Variants in XKR9 observed in about 807,000 individuals in gnomAD.
XKR9 encodes the protein XK-related protein 9.
XKR9 carries 32 observed loss-of-function variants against 32.0 expected under a neutral mutation model. The observed-to-expected ratio is 1.00, with a 90% confidence interval of 0.76 to 1.34. XKR9 has a LOEUF of 1.34. Ranked by LOEUF, XKR9 falls within the 40% of genes most tolerant of loss-of-function variation. The probability of loss-of-function intolerance (pLI) is 0.00; values close to 1 mark genes in which losing one functional copy is unlikely to be tolerated. For synonymous variants in XKR9, 168 were observed against 143.4 expected (o/e 1.17, Z -1.22); for missense variants, 546 against 429.7 (o/e 1.27, Z -2.39).
At chr8:70,763,616 G>T (rs1449318609) in intron 2 of XKR9, among the ~76,000 whole-genome samples, 1 of 152,034 alleles carries the variant, frequency 6.6e-6, no homozygotes, top group Non-Finnish European at 1.5e-5. Flanking sequence ...TGGCTTAAAA[G>T]GAAATTTCAA....
At chr8:70,823,381 C>G in the XKR9 span, among the ~76,000 whole-genome samples, 1 of 152,206 alleles carries the variant, frequency 6.6e-6, no homozygotes, top group Non-Finnish European at 1.5e-5. Context: ...TTAAGTATAA[C>G]TCAACTTCCT....
chr8:70,816,935 A>C, the XKR9 span, among the ~76,000 whole-genome samples: 1 of 152,154 alleles, frequency 6.6e-6, no homozygotes, highest in Non-Finnish European at 1.5e-5. Flanking sequence ...TTAATGATAA[A>C]AACCCTCAAC....
chr8:70,987,686 G>A, the XKR9 span, among the ~76,000 whole-genome samples: 15,413 of 152,252 alleles, frequency 0.1, 859 homozygotes, highest in Middle Eastern at 0.14. Flanking sequence ...CCATTCTGGG[G>A]TCTGGAGGAT....
At chr8:70,923,607 G>A in the XKR9 span, among the ~76,000 whole-genome samples, 47 of 152,310 alleles carry the variant, frequency 3.1e-4, no homozygotes, top group African/African-American at 1.1e-3. Context: ...AAAGTAAGAC[G>A]TTTCAACCAC....
At chr8:70,782,213 C>T (rs1269337266) in intron 2 of XKR9, among the ~76,000 whole-genome samples, 4 of 152,060 alleles carry the variant, frequency 2.6e-5, no homozygotes, top group Non-Finnish European at 4.4e-5. Flanking sequence ...TTGCTATTCT[C>T]GGGTTTAGTC....
intron 3 of XKR9, among the ~76,000 whole-genome samples, chr8:70,684,226 C>T (rs1819182442): frequency 6.6e-6 from 1 of 152,098 alleles, no homozygotes; most frequent in African/African-American, 2.4e-5. Flanking sequence ...CAGCCATTAA[C>T]TTTTTTAACA....
chr8:70,854,774 T>C, the XKR9 span, among the ~76,000 whole-genome samples: 1 of 152,226 alleles, frequency 6.6e-6, no homozygotes, highest in African/African-American at 2.4e-5. Flanking sequence ...ATTTATTAAA[T>C]AGGAATCCTT....
the XKR9 span, among the ~76,000 whole-genome samples, chr8:70,883,650 C>G: frequency 5.3e-5 from 8 of 152,100 alleles, no homozygotes; most frequent in Admixed American, 4.6e-4. Context: ...GTAGCCTTTT[C>G]AGATTGGCTT....
intron 4 of XKR9, 122 bp from the exon 5 acceptor site, chr8:70,733,674 A>C: frequency 1.1e-6 from 1 of 933,486 alleles, no homozygotes; most frequent in Non-Finnish European, 1.5e-6. Context: ...ATTAGATGAG[A>C]AGAGTAAAGT....
At chr8:70,724,075 T>A (rs1256789863) in intron 4 of XKR9, among the ~76,000 whole-genome samples, 2 of 152,070 alleles carry the variant, frequency 1.3e-5, no homozygotes, top group African/African-American at 4.8e-5. Flanking sequence ...TCTTCGGAGA[T>A]GCCCTGCCCA....
At chr8:70,848,392 A>G in the XKR9 span, among the ~76,000 whole-genome samples, 4 of 152,104 alleles carry the variant, frequency 2.6e-5, no homozygotes, top group South Asian at 8.3e-4. Context: ...GACTGGAACA[A>G]GTCAAGAAGA....
At chr8:70,698,964 T>C (rs1805401403) in intron 3 of XKR9, among the ~76,000 whole-genome samples, 1 of 152,174 alleles carries the variant, frequency 6.6e-6, no homozygotes, top group African/African-American at 2.4e-5. Context: ...TCTTTTGATC[T>C]TTGTTGGTTT....
At chr8:70,728,510 AATG>A (rs1420737618) in intron 4 of XKR9, among the ~76,000 whole-genome samples, 16 of 152,210 alleles carry the variant, frequency 1.1e-4, no homozygotes, top group Non-Finnish European at 4.4e-5. Context: ...CTATAAGGTA[AATG>A]ATGACTCTAG....
rs1183289396 is a variant in XKR9, at chr8:70,734,260, C to A, written c.958C>A (p.Pro320Thr). The A allele has an allele frequency of 2.5e-6, 4 of 1,612,508 alleles. No homozygotes were observed. Among genetic ancestry groups the A allele is most frequent in the African/African-American group, 2.7e-5 (2 of 74,830 alleles). ...TATTTTTAATCCAGACTATTTTATA[C>A]CTATCAGTATAACTATAGTTCTTAC... ...LTIFNPDYFI[P>T]ISITIVLTLL... is the part of the protein sequence containing the mutation. The change falls in exon 5 of 5, where the codon CCT becomes ACT. Residue 320 changes from proline to threonine, a missense_variant. Physicochemically the swap from Pro to Thr is conservative, Grantham distance 38. Transcript: ENST00000408926.
chr8:70,724,792 G>T (rs1056828796), intron 4 of XKR9, among the ~76,000 whole-genome samples: 2 of 152,134 alleles, frequency 1.3e-5, no homozygotes, highest in Non-Finnish European at 2.9e-5. Context: ...GTCTTGTTGG[G>T]AGCTGCAGAC....
At chr8:70,832,724 T>C in the XKR9 span, among the ~76,000 whole-genome samples, 2 of 152,198 alleles carry the variant, frequency 1.3e-5, no homozygotes, top group Non-Finnish European at 2.9e-5. Flanking sequence ...TAGCTCTGTT[T>C]TACAAATGAG....
At chr8:70,993,198 TC>T in the XKR9 span, among the ~76,000 whole-genome samples, 2 of 152,172 alleles carry the variant, frequency 1.3e-5, no homozygotes, top group African/African-American at 2.4e-5. Flanking sequence ...ATTGTCCTTC[TC>T]CTACCCTAGC....
At chr8:70,780,914 T>TC (rs1563478629) in intron 2 of XKR9, 1 of 151,746 alleles carries the variant, frequency 6.6e-6, no homozygotes, top group Non-Finnish European at 1.5e-5. Context: ...CTTTTTTTTT[T>TC]AAAGACAGTC....
chr8:70,751,903 T>C (rs909259593), intron 2 of XKR9, among the ~76,000 whole-genome samples: 7 of 152,218 alleles, frequency 4.6e-5, no homozygotes, highest in African/African-American at 1.7e-4. Flanking sequence ...GTGGGACTTC[T>C]CAGCTTCCAT....
Sources: gnomAD v4.1 joint callset for allele counts (sites outside exome capture counted in the v4.1 genomes callset) on GRCh38, gnomAD v4.1.1 for gene constraint, MANE v1.5 for transcripts, NCBI Gene and HGNC (gene_info 2026-07-23, HGNC 2026-07-21) for gene names.